ROBO2: variants seen among roughly 807,000 people sequenced by gnomAD.
The protein encoded by ROBO2 is roundabout homolog 2.
A neutral mutation model predicts 160.8 loss-of-function variants in ROBO2; 53 were observed. The ratio of observed to expected loss-of-function variants is 0.33; its 90% CI spans 0.26 to 0.41. ROBO2 has a LOEUF of 0.41. Ranked by LOEUF, ROBO2 falls within the 10% of genes least tolerant of loss-of-function variation. The pLI is 1.00. For synonymous variants in ROBO2, 664 were observed against 611.7 expected (o/e 1.09, Z -1.26); for missense variants, 1,577 against 1,722.4 (o/e 0.92, Z 1.49).
chr3:77,301,096 C>G (rs1043700384), intron 2 of ROBO2, among the ~76,000 whole-genome samples: 1 of 151,634 alleles, frequency 6.6e-6, no homozygotes. Flanking sequence ...CTCGAACTCC[C>G]GACCTCAGTT....
intron 2 of ROBO2, among the ~76,000 whole-genome samples, chr3:76,146,889 A>C (rs1173600932): frequency 2.0e-5 from 3 of 148,458 alleles, no homozygotes; most frequent in Middle Eastern, 3.4e-3. Context: ...CACACACACA[A>C]ACACACACAC....
chr3:76,182,139 T>C (rs952643914), intron 2 of ROBO2, among the ~76,000 whole-genome samples: 3 of 152,132 alleles, frequency 2.0e-5, no homozygotes, highest in Non-Finnish European at 2.9e-5. Context: ...TGAATTAATA[T>C]ATTTTCAATG....
intron 2 of ROBO2, among the ~76,000 whole-genome samples, chr3:76,598,131 T>C (rs772912359): frequency 6.6e-6 from 1 of 151,646 alleles, no homozygotes; most frequent in Non-Finnish European, 1.5e-5. Context: ...CTTGAATGAA[T>C]ATTCAGGAAA....
chr3:76,821,347 T>C (rs1031152050), intron 2 of ROBO2, among the ~76,000 whole-genome samples: 7 of 152,014 alleles, frequency 4.6e-5, no homozygotes, highest in African/African-American at 1.7e-4. Context: ...AAATATTAAG[T>C]TTACAGATAA....
rs145066902 is a variant in ROBO2, at chr3:77,216,227, G to A, written c.388+117887G>A. On this transcript the variant is annotated intron_variant, in intron 2 of 25. Transcript: ENST00000461745. Reference sequence around the variant, plus strand: ...CTTGAGCTACAGTGGGCTCCACGCAGTTCGAACTTCCTGGCCGCTTTGTTT... The same window carrying A: ...CTTGAGCTACAGTGGGCTCCACGCAATTCGAACTTCCTGGCCGCTTTGTTT... 4.1e-3 allele frequency among the ~76,000 whole-genome samples: 628 copies of A among 152,306 alleles called. 2 individuals are homozygous for A. The highest frequency in any genetic ancestry group is 0.014 in the African/African-American group (596 of 41,584).
At chr3:76,817,225 C>T (rs925938323) in intron 2 of ROBO2, among the ~76,000 whole-genome samples, 3 of 151,966 alleles carry the variant, frequency 2.0e-5, no homozygotes, top group Admixed American at 6.6e-5. Context: ...AAAATTAAAA[C>T]AATAATAATT....
intron 2 of ROBO2, among the ~76,000 whole-genome samples, chr3:76,559,223 C>T (rs897733522): frequency 9.9e-5 from 15 of 152,076 alleles, no homozygotes; most frequent in African/African-American, 3.1e-4. Flanking sequence ...ACAATGGTCA[C>T]GTTGTGATAG....
At chr3:77,361,830 C>T (rs1234237616) in intron 2 of ROBO2, among the ~76,000 whole-genome samples, 1 of 152,082 alleles carries the variant, frequency 6.6e-6, no homozygotes, top group Non-Finnish European at 1.5e-5. Context: ...GTAATTGACT[C>T]AGTTACATTT....
intron 2 of ROBO2, among the ~76,000 whole-genome samples, chr3:76,602,634 G>A (rs1454623739): frequency 1.3e-5 from 2 of 152,154 alleles, no homozygotes; most frequent in African/African-American, 2.4e-5. Flanking sequence ...GGAAAGACCC[G>A]TCCCCATAGT....
At chr3:77,191,378 C>T (rs188574797) in intron 2 of ROBO2, among the ~76,000 whole-genome samples, 18 of 152,074 alleles carry the variant, frequency 1.2e-4, no homozygotes, top group Non-Finnish European at 2.1e-4. Context: ...CTCAGGGACT[C>T]GGTGATAGGC....
At chr3:76,753,378 A>T (rs1041580528) in intron 2 of ROBO2, among the ~76,000 whole-genome samples, 1 of 151,880 alleles carries the variant, frequency 6.6e-6, no homozygotes, top group Non-Finnish European at 1.5e-5. Flanking sequence ...ATTATTTTTT[A>T]ATATGCCCTT....
chr3:76,749,253 G>C (rs887840169), intron 2 of ROBO2, among the ~76,000 whole-genome samples: 1 of 150,952 alleles, frequency 6.6e-6, no homozygotes, highest in Non-Finnish European at 1.5e-5. Flanking sequence ...AATTTCTTTA[G>C]AAAAAAATAG....
chr3:76,669,941 G>A lies in ROBO2; in HGVS notation c.110-428073G>A, dbSNP rs377607535. Among the ~76,000 whole-genome samples, 98 of 152,186 alleles carry A rather than the reference G, an allele frequency of 6.4e-4. 1 individual carries two copies. The South Asian group carries it at 0.01, about 16-fold the overall frequency. On this transcript the variant is annotated intron_variant, in intron 2 of 26. Transcript: ENST00000487694. ...CTTGTTTTCTTATACTACCCAATATGTAATAATTTCTCAAATGTGCTTCTT... is the reference window on the plus strand; with the variant it reads ...CTTGTTTTCTTATACTACCCAATATATAATAATTTCTCAAATGTGCTTCTT...
chr3:77,602,812 A>G (rs1006160144), intron 20 of ROBO2: 1 of 478,936 alleles, frequency 2.1e-6, no homozygotes, highest in Non-Finnish European at 4.1e-6. Flanking sequence ...GGCAGGGTAG[A>G]CAAAACATTC....
At chr3:77,082,095 G>A (rs549226549) in intron 1 of ROBO2, among the ~76,000 whole-genome samples, 1 of 152,246 alleles carries the variant, frequency 6.6e-6, no homozygotes, top group South Asian at 2.1e-4. Flanking sequence ...ATAAGAGACT[G>A]TTTTAAGCTG....
chr3:76,122,146 A>C (rs924781886), intron 2 of ROBO2, among the ~76,000 whole-genome samples: 5 of 152,336 alleles, frequency 3.3e-5, no homozygotes, highest in Admixed American at 3.3e-4. Flanking sequence ...ACAGATGAAG[A>C]AAAAATGGCT....
At chr3:76,273,198 G>C (rs1020212054) in intron 2 of ROBO2, among the ~76,000 whole-genome samples, 4 of 141,052 alleles carry the variant, frequency 2.8e-5, no homozygotes, top group Non-Finnish European at 6.0e-5. Context: ...ATAAGTGTTA[G>C]AGTTCTCCAC....
intron 2 of ROBO2, among the ~76,000 whole-genome samples, chr3:77,177,603 T>G (rs1440291974): frequency 6.6e-6 from 1 of 152,056 alleles, no homozygotes. Flanking sequence ...GTATGGCTAT[T>G]CTTAAATTTT....
At chr3:76,335,062 G>A (rs1054782345) in intron 2 of ROBO2, among the ~76,000 whole-genome samples, 3 of 150,786 alleles carry the variant, frequency 2.0e-5, no homozygotes, top group African/African-American at 7.3e-5. Context: ...TAGAGACAGG[G>A]TCTTGAAATG....
Sources: gnomAD v4.1 joint callset for allele counts (sites outside exome capture counted in the v4.1 genomes callset) on GRCh38, gnomAD v4.1.1 for gene constraint, MANE v1.5 for transcripts, NCBI Gene and HGNC (gene_info 2026-07-23, HGNC 2026-07-21) for gene names.